Variants in TJP2 observed in about 807,000 individuals in gnomAD.
TJP2 encodes tight junction protein 2, also known as Friedreich ataxia region gene X104 (tight junction protein ZO-2).
Under a neutral mutation model 133.1 loss-of-function variants are expected in TJP2, and 91 were observed. The ratio of observed to expected loss-of-function variants is 0.68; its 90% confidence interval spans 0.58 to 0.81. The LOEUF is 0.81. TJP2 is among the 40% of genes least tolerant of loss of function. TJP2 has a pLI of 0.00. For missense variants in TJP2, 1,541 were observed against 1,565.6 expected, an observed-to-expected ratio of 0.98 and a Z score of 0.26; for synonymous variants, 592 against 583.4, an observed-to-expected ratio of 1.01 and a Z score of -0.21.
chr9:69,212,720 G>A, intron 2 of TJP2, 119 bp downstream of exon 2: 1 of 757,204 alleles, frequency 1.3e-6, no homozygotes, highest in South Asian at 1.5e-5. Context: ...GGTACATAAT[G>A]TATTATAGAT....
intron 1 of TJP2, among the ~76,000 whole-genome samples, chr9:69,179,498 T>C (rs997112952): frequency 6.8e-6 from 1 of 147,142 alleles, no homozygotes; most frequent in African/African-American, 2.5e-5. Flanking sequence ...AAGTTACTTT[T>C]TTCTTTTTCT....
chr9:69,175,869 T>C (rs763843820), intron 1 of TJP2, among the ~76,000 whole-genome samples: 1 of 152,176 alleles, frequency 6.6e-6, no homozygotes, highest in Non-Finnish European at 1.5e-5. Context: ...TTATGCAGAT[T>C]GATGAAGGGG....
chr9:69,132,115 C>A (rs917735583), intron 1 of TJP2, among the ~76,000 whole-genome samples: 4 of 152,218 alleles, frequency 2.6e-5, no homozygotes, highest in African/African-American at 9.6e-5. Context: ...ATGTTATCAA[C>A]CAGGGAAGCT....
chr9:69,245,722 C>T (rs1830877494), intron 17 of TJP2, among the ~76,000 whole-genome samples: 11 of 152,142 alleles, frequency 7.2e-5, no homozygotes, highest in Admixed American at 7.2e-4. Context: ...CAACACCTAC[C>T]TTGCAAAGTT....
At chr9:69,168,911 A>G (rs1396325547) in intron 2 of TJP2, among the ~76,000 whole-genome samples, 1 of 150,626 alleles carries the variant, frequency 6.6e-6, no homozygotes, top group Non-Finnish European at 1.5e-5. Flanking sequence ...CACAGGGGCC[A>G]TTGAGTGGGG....
intron 1 of TJP2, among the ~76,000 whole-genome samples, chr9:69,194,632 C>T (rs1358730905): frequency 2.0e-5 from 3 of 152,160 alleles, no homozygotes; most frequent in Admixed American, 6.5e-5. Flanking sequence ...TATAGAACAT[C>T]GTCACCATGG....
Position 69,230,209 on chromosome 9 carries a change from CAAG to C in TJP2, c.1652_1654del (p.Glu551del). The C allele has an allele frequency of 3.7e-6, 6 of 1,614,130 alleles. No homozygotes were observed. Among genetic ancestry groups the C allele is most frequent in the Non-Finnish European group, 5.1e-6 (6 of 1,180,018 alleles). ...GACCTCGGCGGAGCAGGAGGGCCTT[CAAG>C]AAGGAGACCAGATTCTGAAGGTAAG... On this transcript the variant is annotated inframe_deletion, in exon 11 of 23. Coordinates refer to ENST00000377245, the MANE Select transcript of TJP2 (RefSeq NM_004817.4).
intron 1 of TJP2, among the ~76,000 whole-genome samples, chr9:69,184,102 G>C (rs1207202373): frequency 6.6e-6 from 1 of 152,166 alleles, no homozygotes; most frequent in Non-Finnish European, 1.5e-5. Flanking sequence ...TTGCTTGCTT[G>C]ACTTTGAGCA....
chr9:69,216,525 ATTTT>A, intron 3 of TJP2, 62 bp downstream of exon 3: 1 of 1,582,036 alleles, frequency 6.3e-7, no homozygotes, highest in Non-Finnish European at 8.6e-7. Context: ...TAGACGGGGT[ATTTT>A]GGTTGGTGTC....
intron 1 of TJP2, among the ~76,000 whole-genome samples, chr9:69,125,785 C>G (rs1235298504): frequency 1.3e-5 from 1 of 77,116 alleles, no homozygotes; most frequent in Non-Finnish European, 3.0e-5. Flanking sequence ...ATTAGGTAGA[C>G]AGTTCAAGTT....
intron 2 of TJP2, 111 bp from the exon 3 acceptor site, chr9:69,216,228 C>A: frequency 7.6e-7 from 1 of 1,321,804 alleles, no homozygotes; most frequent in Non-Finnish European, 1.1e-6. Context: ...CCCATCTGTT[C>A]CTGAACAGTC....
intron 3 of TJP2, among the ~76,000 whole-genome samples, chr9:69,217,215 T>C (rs1374616704): frequency 6.6e-6 from 1 of 152,102 alleles, no homozygotes; most frequent in Admixed American, 6.5e-5. Flanking sequence ...GGTGTCAAAC[T>C]CCTGACCTGA....
At chr9:69,253,021 A>C in intron 22 of TJP2, 121 bp downstream of exon 22, 1 of 851,034 alleles carries the variant, frequency 1.2e-6, no homozygotes, top group African/African-American at 1.7e-5. Flanking sequence ...CCACAGATTG[A>C]CTGTTTGCCT....
intron 2 of TJP2, among the ~76,000 whole-genome samples, chr9:69,214,746 G>A (rs1181137058): frequency 2.0e-5 from 3 of 151,532 alleles, no homozygotes; most frequent in African/African-American, 7.3e-5. Context: ...GGTGGCACAT[G>A]CCTGTAGTCC....
intron 11 of TJP2, among the ~76,000 whole-genome samples, chr9:69,231,760 C>T (rs1038658605): frequency 5.9e-5 from 9 of 152,116 alleles, no homozygotes; most frequent in African/African-American, 1.4e-4. Context: ...TGTACCTGCA[C>T]GAACCTCATG....
At chr9:69,145,739 A>G in intron 1 of TJP2, 1 of 1,232,128 alleles carries the variant, frequency 8.1e-7, no homozygotes, top group Non-Finnish European at 1.0e-6. Flanking sequence ...TTCTGGAAGC[A>G]GCAGTTGGTA....
intron 3 of TJP2, among the ~76,000 whole-genome samples, chr9:69,217,033 G>C (rs1166722156): frequency 7.0e-6 from 1 of 141,934 alleles, no homozygotes; most frequent in Non-Finnish European, 1.5e-5. Context: ...CTGTCACCCA[G>C]TCTGGATTGC....
intron 5 of TJP2, among the ~76,000 whole-genome samples, chr9:69,222,683 T>C (rs1828979111): frequency 6.6e-6 from 1 of 152,158 alleles, no homozygotes; most frequent in Admixed American, 6.5e-5. Flanking sequence ...GGCTTTAAAC[T>C]AGGAGACCAG....
At chr9:69,234,327 C>T (rs1830003044) in intron 11 of TJP2, 112 bp from the exon 12 acceptor site, 1 of 908,122 alleles carries the variant, frequency 1.1e-6, no homozygotes, top group Admixed American at 2.8e-5. Context: ...CTGATGAAAA[C>T]AAACAAAAGG....
Sources: allele counts gnomAD v4.1 joint callset (sites outside exome capture counted in the v4.1 genomes callset), GRCh38; gene constraint gnomAD v4.1.1; transcripts MANE v1.5; gene names NCBI Gene and HGNC (gene_info 2026-07-23, HGNC 2026-07-21).